RBPMS2: variants seen among roughly 807,000 people sequenced by gnomAD.
The protein encoded by RBPMS2 is RNA-binding protein with multiple splicing 2.
Under a neutral mutation model 25.7 loss-of-function variants are expected in RBPMS2, and 14 were observed. That is an observed-to-expected ratio of 0.55 (90% CI 0.36 to 0.85). The LOEUF (loss-of-function observed/expected upper bound fraction) is 0.85, where lower values mean the gene tolerates loss of function less well. Ranked by LOEUF, RBPMS2 falls within the 40% of genes least tolerant of loss-of-function variation. The pLI, the probability that RBPMS2 is intolerant of heterozygous loss-of-function variation, is 0.01. For missense variants in RBPMS2, 252 were observed against 283.4 expected, an observed-to-expected ratio of 0.89 and a Z score of 0.80; for synonymous variants, 127 against 115.6, an observed-to-expected ratio of 1.10 and a Z score of -0.63.
chr15:64,749,054 T>G lies in RBPMS2; in HGVS notation c.364A>C (p.Asn122His), dbSNP rs375114329. ...MAKSKLMATP[N>H]PSNVHPALGA... is the part of the protein sequence containing the mutation. ...AGGGCGGGGTGCACGTTGCTGGGAT[T>G]TGGAGTTGCCATTAGCTTGCTCTTG... Residue 122 changes from asparagine to histidine, a missense_variant, in exon 5 of 8, where the codon AAT becomes CAT. Coordinates refer to ENST00000300069, the MANE Select transcript of RBPMS2 (RefSeq NM_194272.3). 1.2e-6 allele frequency: 2 copies of G among 1,614,000 alleles called. No individual in the cohort carries two copies. Among genetic ancestry groups the G allele is most frequent in the African/African-American group, 2.7e-5 (2 of 74,880 alleles).
chr15:64,767,703 C>T (rs370099234), intron 1 of RBPMS2, among the ~76,000 whole-genome samples: 1 of 152,060 alleles, frequency 6.6e-6, no homozygotes, highest in Admixed American at 6.6e-5. Context: ...GACAAGGTCT[C>T]GCTCTGTCAC....
chr15:64,741,570 T>C (rs776561584), intron 6 of RBPMS2, among the ~76,000 whole-genome samples: 5 of 152,204 alleles, frequency 3.3e-5, no homozygotes, highest in Admixed American at 1.3e-4. Flanking sequence ...CAACCCGCCC[T>C]TCCCCTTTAC....
rs575020975 is a variant in RBPMS2 at position 64,748,968 on chromosome 15, A to C, written c.418+32T>G. 1.4e-5 allele frequency: 22 copies of C among 1,612,202 alleles called. No homozygotes were observed. In the East Asian group the frequency reaches 4.7e-4, roughly 34 times the overall value. ...GCAAGTCTGCCCTGAATGCAACTCCATGAGGGCCTGCCAGCTCAGAGTGCC... is the reference window on the plus strand; with the variant it reads ...GCAAGTCTGCCCTGAATGCAACTCCCTGAGGGCCTGCCAGCTCAGAGTGCC... On this transcript the variant is annotated intron_variant, in intron 5 of 7. Transcript: ENST00000300069.
At chr15:64,741,551 T>C (rs2083562510) in intron 6 of RBPMS2, among the ~76,000 whole-genome samples, 1 of 152,202 alleles carries the variant, frequency 6.6e-6, no homozygotes, top group Admixed American at 6.5e-5. Context: ...CTGGGGGCAG[T>C]GGTGCCAGCA....
At chr15:64,750,981 T>C (rs1040910705) in intron 2 of RBPMS2, among the ~76,000 whole-genome samples, 2 of 151,626 alleles carry the variant, frequency 1.3e-5, no homozygotes, top group East Asian at 1.9e-4. Flanking sequence ...GAGGTTGCAG[T>C]GAGCCGCACG....
intron 6 of RBPMS2, among the ~76,000 whole-genome samples, chr15:64,742,734 T>G (rs1039652384): frequency 6.6e-6 from 1 of 152,062 alleles, no homozygotes. Flanking sequence ...GGGCAGCACA[T>G]GAGCGTGTGG....
chr15:64,747,163 T>A (rs569299162), intron 6 of RBPMS2, among the ~76,000 whole-genome samples: 1 of 152,282 alleles, frequency 6.6e-6, no homozygotes, highest in East Asian at 1.9e-4. Flanking sequence ...CTGCCCTCAG[T>A]ACAACTGAAC....
chr15:64,767,082 C>T (rs780487269), intron 1 of RBPMS2, among the ~76,000 whole-genome samples: 15 of 152,052 alleles, frequency 9.9e-5, no homozygotes, highest in Admixed American at 9.8e-4. Flanking sequence ...CCGAGTTTTT[C>T]GGTTTTTTAC....
At chr15:64,743,621 A>G (rs2083584879) in intron 6 of RBPMS2, among the ~76,000 whole-genome samples, 1 of 122,910 alleles carries the variant, frequency 8.1e-6, no homozygotes, top group African/African-American at 3.1e-5. Context: ...GTGTCCTTTC[A>G]GGGCCTCCAG....
At chr15:64,766,919 G>C (rs2083851441) in intron 1 of RBPMS2, among the ~76,000 whole-genome samples, 1 of 151,942 alleles carries the variant, frequency 6.6e-6, no homozygotes, top group African/African-American at 2.4e-5. Context: ...GAGTAGCTGG[G>C]ATTACAGGTG....
At position 64,760,122 on chromosome 15, in the gene RBPMS2, G is replaced by T. The variant is rs141822862; in HGVS notation, c.88-8484C>A. Among the ~76,000 whole-genome samples the T allele has an allele frequency of 3.9e-3, 595 of 152,348 alleles. 5 individuals carry two copies. Among genetic ancestry groups the T allele is most frequent in the African/African-American group, 0.014 (575 of 41,576 alleles). ...TCCCTCCTTCCAGGGCACACACAGG[G>T]CCCAGCTCACATGGAGGTCCTGCAG... On this transcript the variant is annotated intron_variant, in intron 1 of 7. Transcript: ENST00000300069.
intron 1 of RBPMS2, among the ~76,000 whole-genome samples, chr15:64,769,805 C>A (rs899644445): frequency 1.3e-5 from 2 of 152,214 alleles, no homozygotes; most frequent in Non-Finnish European, 2.9e-5. Context: ...TGGGATGCCA[C>A]CAGCCCAAAG....
chr15:64,774,467 C>G (rs990993272), intron 1 of RBPMS2, among the ~76,000 whole-genome samples: 2 of 152,124 alleles, frequency 1.3e-5, no homozygotes, highest in Non-Finnish European at 1.5e-5. Context: ...GGTGGTTCCA[C>G]GGAGCCGCCT....
chr15:64,751,630 T>C lies in RBPMS2; in HGVS notation c.96A>G (p.Thr32=), dbSNP rs1391463771. 9 of 1,613,754 alleles carry C rather than the reference T, an allele frequency of 5.6e-6. No homozygotes were observed. In the South Asian group the frequency reaches 7.7e-5, roughly 14 times the overall value. Residue 32 remains threonine, a synonymous_variant, in exon 2 of 8, where the codon ACA becomes ACG. Transcript: ENST00000300069. ...CCACAGGGAGGCCGCTGACAAACAG[T>C]GTCCGGACCTGGAGACAGAGACCAG... ...SGGALEEEVR[T]LFVSGLPVDI...
intron 2 of RBPMS2, among the ~76,000 whole-genome samples, chr15:64,750,776 A>G (rs2083669871): frequency 1.3e-5 from 2 of 152,220 alleles, no homozygotes; most frequent in South Asian, 4.1e-4. Flanking sequence ...ATCATGGCTC[A>G]CGTCTGTAAT....
At chr15:64,744,789 G>T (rs1354353067) in intron 6 of RBPMS2, among the ~76,000 whole-genome samples, 3 of 61,618 alleles carry the variant, frequency 4.9e-5, no homozygotes, top group African/African-American at 1.8e-4. Context: ...AGTTTTTTTG[G>T]TTTGTTTTGT....
Position 64,749,027 on chromosome 15 carries a change from C to T in RBPMS2, c.391G>A (p.Gly131Arg). Residue 131 changes from glycine (G) to arginine (R), a missense_variant, in exon 5 of 8, where the codon GGA (glycine) becomes AGA (arginine). Physicochemically the swap from Gly to Arg is moderately radical, Grantham distance 125. Coordinates refer to ENST00000300069, the MANE Select transcript of RBPMS2 (RefSeq NM_194272.3). ...GGGTCCCGTGCGATGAAGTGTGCTCCTAGGGCGGGGTGCACGTTGCTGGGA... is the reference window on the plus strand; with the variant it reads ...GGGTCCCGTGCGATGAAGTGTGCTCTTAGGGCGGGGTGCACGTTGCTGGGA... The part of the protein sequence containing the change: ...PNPSNVHPAL[G>R]AHFIARDPYD... 6.2e-7 allele frequency: 1 copy of T among 1,614,196 alleles called. No individual in the cohort carries two copies. The highest frequency in any genetic ancestry group is 8.5e-7 in the Non-Finnish European group (1 of 1,180,016).
chr15:64,775,175 T>C (rs1595798766), intron 1 of RBPMS2, 58 bp downstream of exon 1: 2 of 984,376 alleles, frequency 2.0e-6, no homozygotes, highest in African/African-American at 3.5e-5. Context: ...CCGCTCGCCC[T>C]CTCCCGCGCC....
intron 1 of RBPMS2, among the ~76,000 whole-genome samples, chr15:64,767,383 C>T (rs534355937): frequency 1.3e-5 from 2 of 152,332 alleles, no homozygotes; most frequent in Non-Finnish European, 2.9e-5. Flanking sequence ...AGTGACGTGA[C>T]ACCAGATGTC....
Sources: gnomAD v4.1 joint callset for allele counts (sites outside exome capture counted in the v4.1 genomes callset) on GRCh38, gnomAD v4.1.1 for gene constraint, MANE v1.5 for transcripts, NCBI Gene and HGNC (gene_info 2026-07-23, HGNC 2026-07-21) for gene names.